Variants in PIBF1 observed in about 807,000 individuals in gnomAD.
The protein encoded by PIBF1 is progesterone-induced-blocking factor 1.
A neutral mutation model predicts 112.5 loss-of-function variants in PIBF1; 90 were observed. The ratio of observed to expected loss-of-function variants is 0.80; its 90% CI spans 0.67 to 0.95. The LOEUF is 0.95. PIBF1 is among the 40% of genes least tolerant of loss of function. The pLI, the probability that PIBF1 is intolerant of heterozygous loss-of-function variation, is 0.00. For synonymous variants in PIBF1, 301 were observed against 288.6 expected, an observed-to-expected ratio of 1.04 and a Z score of -0.44; for missense variants, 915 against 852.3, an observed-to-expected ratio of 1.07 and a Z score of -0.92.
chr13:72,983,875 C>T (rs965604061), intron 16 of PIBF1, among the ~76,000 whole-genome samples: 1 of 152,126 alleles, frequency 6.6e-6, no homozygotes, highest in South Asian at 2.1e-4. Flanking sequence ...AACTACTGAG[C>T]GGGTAAATTA....
intron 13 of PIBF1, among the ~76,000 whole-genome samples, chr13:72,924,991 C>G (rs1000294465): frequency 2.6e-5 from 4 of 151,768 alleles, no homozygotes; most frequent in African/African-American, 9.7e-5. Flanking sequence ...GACTGGAGGA[C>G]CAAGAAAAGG....
At chr13:72,905,080 TGGAGACAG>T (rs2040648331) in intron 11 of PIBF1, among the ~76,000 whole-genome samples, 1 of 146,818 alleles carries the variant, frequency 6.8e-6, no homozygotes, top group Non-Finnish European at 1.5e-5. Flanking sequence ...TTTTTTTTTT[TGGAGACAG>T]AGTCTCACTC....
At chr13:72,949,753 A>T (rs1429184612) in intron 14 of PIBF1, among the ~76,000 whole-genome samples, 3 of 152,216 alleles carry the variant, frequency 2.0e-5, no homozygotes, top group Non-Finnish European at 4.4e-5. Context: ...TGTACAGTAC[A>T]TTCTATTAGT....
rs1488421222 is a variant in PIBF1, at chr13:72,783,508, C to A, written c.39C>A (p.Asn13Lys). ...RKISKESKKV[N>K]ISSSLESEDI... ...TTTCAAAGGAGTCAAAAAAAGTGAA[C>A]ATCTCTAGTTCTCTGGAATCTGAAG... The change falls in exon 2 of 18, where the codon AAC (asparagine) becomes AAA (lysine). Residue 13 changes from asparagine (N) to lysine (K), a missense_variant. Asn to Lys is a moderately conservative substitution (Grantham distance 94). Transcript: ENST00000326291. 7 of 1,607,980 alleles carry A rather than the reference C, an allele frequency of 4.4e-6. No homozygotes were observed. Among genetic ancestry groups the A allele is most frequent in the Non-Finnish European group, 5.1e-6 (6 of 1,176,370 alleles).
chr13:72,871,202 C>T (rs943721224), intron 10 of PIBF1, among the ~76,000 whole-genome samples: 1 of 152,026 alleles, frequency 6.6e-6, no homozygotes, highest in Non-Finnish European at 1.5e-5. Flanking sequence ...ATCCTCCATC[C>T]CTCACAAAGA....
At chr13:73,000,610 A>G (rs1489518812) in intron 17 of PIBF1, among the ~76,000 whole-genome samples, 2 of 152,214 alleles carry the variant, frequency 1.3e-5, no homozygotes, top group Non-Finnish European at 2.9e-5. Flanking sequence ...ATACATACAC[A>G]TTAATGGGAA....
intron 17 of PIBF1, among the ~76,000 whole-genome samples, chr13:73,005,943 G>A (rs1469617587): frequency 9.4e-6 from 1 of 106,354 alleles, no homozygotes; most frequent in Non-Finnish European, 1.9e-5. Flanking sequence ...TTTTTGAAAT[G>A]GAGTCTTGCT....
intron 9 of PIBF1, among the ~76,000 whole-genome samples, chr13:72,852,831 G>A (rs941347943): frequency 1.3e-5 from 2 of 152,108 alleles, no homozygotes; most frequent in African/African-American, 2.4e-5. Context: ...ATGAGAGATA[G>A]TGTGGCATGA....
intron 5 of PIBF1, among the ~76,000 whole-genome samples, chr13:72,815,675 C>G (rs572595531): frequency 6.6e-6 from 1 of 152,120 alleles, no homozygotes; most frequent in African/African-American, 2.4e-5. Context: ...TGTTATTGAT[C>G]TATATTTCCA....
chr13:72,950,788 C>A (rs1218478372), intron 14 of PIBF1, among the ~76,000 whole-genome samples: 1 of 152,146 alleles, frequency 6.6e-6, no homozygotes, highest in Admixed American at 6.5e-5. Context: ...GGTGCTCATA[C>A]TGGAGTTGGG....
At chr13:72,845,876 A>G (rs1370238947) in intron 9 of PIBF1, among the ~76,000 whole-genome samples, 2 of 152,140 alleles carry the variant, frequency 1.3e-5, no homozygotes, top group African/African-American at 2.4e-5. Flanking sequence ...ATGTTTTTAT[A>G]CCAAAGCCCC....
chr13:72,821,787 G>A (rs2036566295), intron 5 of PIBF1, 62 bp from the exon 6 acceptor site: 4 of 1,294,180 alleles, frequency 3.1e-6, no homozygotes, highest in Non-Finnish European at 4.3e-6. Flanking sequence ...CTTCAATACA[G>A]AATTTGGGCA....
intron 10 of PIBF1, among the ~76,000 whole-genome samples, chr13:72,879,581 A>G (rs188291844): frequency 3.3e-4 from 51 of 152,344 alleles, no homozygotes; most frequent in Middle Eastern, 3.4e-3. Flanking sequence ...AGAGAATACA[A>G]TAATGTAATA....
chr13:72,857,789 G>A (rs1389327418), intron 10 of PIBF1, among the ~76,000 whole-genome samples: 1 of 152,086 alleles, frequency 6.6e-6, no homozygotes, highest in African/African-American at 2.4e-5. Flanking sequence ...GCAGTGAGCC[G>A]AGATTGCACC....
chr13:72,913,348 T>C (rs2040962945), intron 12 of PIBF1, among the ~76,000 whole-genome samples: 1 of 152,184 alleles, frequency 6.6e-6, no homozygotes, highest in Admixed American at 6.5e-5. Context: ...TGAATTATAA[T>C]TGATGATTTG....
At chr13:72,959,022 AGAG>A (rs1282517740) in intron 14 of PIBF1, among the ~76,000 whole-genome samples, 1 of 152,104 alleles carries the variant, frequency 6.6e-6, no homozygotes, top group Non-Finnish European at 1.5e-5. Context: ...TTTTTGAGAC[AGAG>A]TCTTCCTCTG....
intron 5 of PIBF1, among the ~76,000 whole-genome samples, chr13:72,809,650 C>T (rs1447187983): frequency 7.4e-6 from 1 of 135,584 alleles, no homozygotes; most frequent in East Asian, 2.2e-4. Context: ...AGTGCAATGG[C>T]ATGATTTTGG....
At chr13:73,015,531 A>G (rs763228845) in intron 17 of PIBF1, among the ~76,000 whole-genome samples, 15 of 152,248 alleles carry the variant, frequency 9.9e-5, no homozygotes, top group Non-Finnish European at 1.8e-4. Flanking sequence ...TCTATTATCT[A>G]TATAGATGAG....
intron 10 of PIBF1, among the ~76,000 whole-genome samples, chr13:72,891,032 G>A (rs1594133016): frequency 6.6e-6 from 1 of 151,964 alleles, no homozygotes; most frequent in Admixed American, 6.6e-5. Context: ...GATAATTCTT[G>A]TTACCACCTA....
Sources: allele counts gnomAD v4.1 joint callset (sites outside exome capture counted in the v4.1 genomes callset), GRCh38; gene constraint gnomAD v4.1.1; transcripts MANE v1.5; gene names NCBI Gene and HGNC (gene_info 2026-07-23, HGNC 2026-07-21).